Variants in GRIN2A observed in about 807,000 individuals in gnomAD.
The protein encoded by GRIN2A is glutamate ionotropic receptor NMDA type subunit 2A.
GRIN2A carries 22 observed loss-of-function variants against 113.4 expected under a neutral mutation model. The ratio of observed to expected loss-of-function variants is 0.19; its 90% confidence interval spans 0.14 to 0.28. The LOEUF is 0.28. Among genes scored for constraint, GRIN2A ranks in the 10% least tolerant of loss-of-function variants. GRIN2A has a pLI of 1.00. For synonymous variants in GRIN2A, 827 were observed against 738.4 expected, an observed-to-expected ratio of 1.12 and a Z score of -1.94; for missense variants, 1,502 against 1,887.0, an observed-to-expected ratio of 0.80 and a Z score of 3.78.
intron 2 of GRIN2A, among the ~76,000 whole-genome samples, chr16:9,949,879 A>C (rs2045134306): frequency 6.6e-6 from 1 of 152,130 alleles, no homozygotes. Context: ...TTAGTAGCAC[A>C]GTGATGGGTT....
chr16:9,915,978 G>A (rs1353236040), intron 3 of GRIN2A, among the ~76,000 whole-genome samples: 1 of 152,178 alleles, frequency 6.6e-6, no homozygotes, highest in Non-Finnish European at 1.5e-5. Flanking sequence ...ATCAACATCT[G>A]TACTTCCTTC....
intron 2 of GRIN2A, among the ~76,000 whole-genome samples, chr16:10,017,447 T>C (rs553456599): frequency 6.6e-6 from 1 of 152,244 alleles, no homozygotes; most frequent in African/African-American, 2.4e-5. Flanking sequence ...ACTGAGTGCA[T>C]GTTCTAGAGC....
chr16:10,024,304 G>A (rs2594542), intron 2 of GRIN2A, among the ~76,000 whole-genome samples: 120,077 of 152,180 alleles, frequency 0.79, 48,086 homozygotes, highest in Non-Finnish European at 0.85. Context: ...GCTCACTGCA[G>A]CCTCCACCTC....
At chr16:10,082,512 C>T (rs2048004736) in intron 2 of GRIN2A, among the ~76,000 whole-genome samples, 1 of 152,204 alleles carries the variant, frequency 6.6e-6, no homozygotes, top group African/African-American at 2.4e-5. Context: ...TTGAAGATAT[C>T]ATTAAGTTCC....
At chr16:10,099,943 G>A (rs966255597) in intron 2 of GRIN2A, among the ~76,000 whole-genome samples, 3 of 132,648 alleles carry the variant, frequency 2.3e-5, no homozygotes, top group African/African-American at 8.5e-5. Flanking sequence ...GCTCAGGGAG[G>A]CAGGAGTTAG....
intron 2 of GRIN2A, among the ~76,000 whole-genome samples, chr16:10,121,121 G>A (rs1389201209): frequency 6.6e-6 from 1 of 152,132 alleles, no homozygotes. Flanking sequence ...TCCACAGCAA[G>A]AAGGGTGGGG....
chr16:9,996,428 C>G (rs2046224996), intron 2 of GRIN2A, among the ~76,000 whole-genome samples: 1 of 152,140 alleles, frequency 6.6e-6, no homozygotes, highest in African/African-American at 2.4e-5. Flanking sequence ...TTGAGTTCAG[C>G]TAAATGCAAA....
At chr16:10,007,846 G>A (rs1034093819) in intron 2 of GRIN2A, among the ~76,000 whole-genome samples, 1 of 152,174 alleles carries the variant, frequency 6.6e-6, no homozygotes, top group African/African-American at 2.4e-5. Context: ...ACTGACATGG[G>A]CAGATAAGAA....
chr16:10,014,581 T>C (rs1489584410), intron 2 of GRIN2A, among the ~76,000 whole-genome samples: 1 of 152,130 alleles, frequency 6.6e-6, no homozygotes, highest in African/African-American at 2.4e-5. Flanking sequence ...GAGGCATAAA[T>C]GGACCACTCT....
intron 2 of GRIN2A, among the ~76,000 whole-genome samples, chr16:10,029,715 AC>A (rs1406692702): frequency 6.6e-6 from 1 of 151,708 alleles, no homozygotes; most frequent in Non-Finnish European, 1.5e-5. Flanking sequence ...AGAAACTCAG[AC>A]CTGGCACAAT....
intron 2 of GRIN2A, among the ~76,000 whole-genome samples, chr16:10,147,212 GA>G (rs1453762660): frequency 7.9e-5 from 12 of 151,984 alleles, no homozygotes; most frequent in African/African-American, 2.2e-4. Context: ...GGAGCTTAAC[GA>G]GCAGCAATTT....
At chr16:10,160,759 C>T (rs896334997) in intron 2 of GRIN2A, among the ~76,000 whole-genome samples, 1 of 152,188 alleles carries the variant, frequency 6.6e-6, no homozygotes, top group Non-Finnish European at 1.5e-5. Context: ...AATGCTCAAT[C>T]GAACAGAAAG....
intron 1 of GRIN2A, among the ~76,000 whole-genome samples, chr16:10,181,004 A>T (rs2050258834): frequency 6.6e-6 from 1 of 151,996 alleles, no homozygotes; most frequent in Non-Finnish European, 1.5e-5. Context: ...TGCACCACAC[A>T]CTTTGCTCTA....
chr16:9,770,473 A>C (rs748347716), intron 11 of GRIN2A, among the ~76,000 whole-genome samples: 1 of 152,214 alleles, frequency 6.6e-6, no homozygotes, highest in Non-Finnish European at 1.5e-5. Flanking sequence ...CAAAGTTGAC[A>C]ATTATTTTTC....
chr16:10,045,352 AG>A (rs2047239529), intron 2 of GRIN2A, among the ~76,000 whole-genome samples: 1 of 152,180 alleles, frequency 6.6e-6, no homozygotes, highest in Non-Finnish European at 1.5e-5. Flanking sequence ...ATGTTTACCA[AG>A]GGTCTCTGGC....
rs865856184 is a variant in GRIN2A at position 9,765,755 on chromosome 16, T to G, written c.2596-807A>C. ...AATCTATTCCTTGTGTGTTTGTTTG[T>G]GTGTGAGTCTATTCAATGTAGTTAG... On this transcript the variant is annotated intron_variant, in intron 12 of 12. Transcript: ENST00000330684. 1.3e-3 allele frequency among the ~76,000 whole-genome samples: 196 copies of G among 152,316 alleles called. 2 individuals carry two copies. Among genetic ancestry groups the G allele is most frequent in the Middle Eastern group, 6.8e-3 (2 of 294 alleles).
intron 10 of GRIN2A, 51 bp from the exon 11 acceptor site, chr16:9,798,515 G>A (rs751989891): frequency 1.3e-5 from 19 of 1,434,960 alleles, no homozygotes; most frequent in Non-Finnish European, 1.9e-5. Context: ...GTACCACCTC[G>A]GGGTCCAGCT....
intron 2 of GRIN2A, among the ~76,000 whole-genome samples, chr16:10,008,096 G>T (rs1315430892): frequency 2.6e-5 from 4 of 152,064 alleles, no homozygotes; most frequent in Admixed American, 2.0e-4. Context: ...GAACATCTTG[G>T]GGGGAAGTAA....
chr16:9,933,757 T>A (rs897661509), intron 3 of GRIN2A, among the ~76,000 whole-genome samples: 3 of 152,164 alleles, frequency 2.0e-5, no homozygotes, highest in Admixed American at 6.5e-5. Context: ...TAAATGTCCA[T>A]CAAAGAGGAA....
Sources: allele counts gnomAD v4.1 joint callset (sites outside exome capture counted in the v4.1 genomes callset), GRCh38; gene constraint gnomAD v4.1.1; transcripts MANE v1.5; gene names NCBI Gene and HGNC (gene_info 2026-07-23, HGNC 2026-07-21).